Variants in CCDC32 observed in about 807,000 individuals in gnomAD.
CCDC32 encodes coiled-coil domain-containing protein 32.
Under a neutral mutation model 20.1 loss-of-function variants are expected in CCDC32, and 9 were observed. That is an observed-to-expected ratio of 0.45 (90% confidence interval 0.27 to 0.78). The LOEUF (loss-of-function observed/expected upper bound fraction) is 0.78, where lower values mean the gene tolerates loss of function less well. Among genes scored for constraint, CCDC32 ranks in the 30% least tolerant of loss-of-function variants. CCDC32 has a pLI of 0.16. For missense variants in CCDC32, 204 were observed against 215.5 expected (o/e 0.95, Z 0.33); for synonymous variants, 63 against 79.0 (o/e 0.80, Z 1.07).
intron 3 of CCDC32, 92 bp from the exon 4 acceptor site, chr15:40,554,219 G>T (rs1890083328): frequency 1.4e-6 from 2 of 1,480,514 alleles, no homozygotes; most frequent in African/African-American, 1.4e-5. Flanking sequence ...CTACCTTCCC[G>T]CCCACCAGCA....
At chr15:40,532,348 T>A (rs1356082912), downstream of CCDC32, 4 of 701,284 alleles carry the variant, frequency 5.7e-6, no homozygotes, top group Non-Finnish European at 1.0e-5. Context: ...TAAGGCTCCA[T>A]TTTGGATTGA....
downstream of CCDC32, among the ~76,000 whole-genome samples, chr15:40,548,249 C>CTAAG (rs1226620506): frequency 6.6e-6 from 1 of 152,164 alleles, no homozygotes; most frequent in Non-Finnish European, 1.5e-5. Flanking sequence ...ATTCTACATC[C>CTAAG]TAAGTGGAAA....
At chr15:40,556,458 G>A (rs1890242992) in intron 3 of CCDC32, among the ~76,000 whole-genome samples, 1 of 152,126 alleles carries the variant, frequency 6.6e-6, no homozygotes, top group African/African-American at 2.4e-5. Flanking sequence ...ATGACACCAA[G>A]CACAGTGCTA....
At chr15:40,554,902 A>G (rs527957097) in intron 3 of CCDC32, among the ~76,000 whole-genome samples, 3 of 152,362 alleles carry the variant, frequency 2.0e-5, no homozygotes, top group African/African-American at 7.2e-5. Flanking sequence ...TCTTAACCCA[A>G]GAAAGAATAC....
intron 2 of CCDC32, among the ~76,000 whole-genome samples, chr15:40,559,498 T>G (rs1357150219): frequency 6.6e-6 from 1 of 152,210 alleles, no homozygotes; most frequent in Non-Finnish European, 1.5e-5. Context: ...ATTAAACAGA[T>G]GCTTTGGCTA....
At chr15:40,544,318 A>G (rs934234294) in intron 3 of CCDC32, among the ~76,000 whole-genome samples, 8 of 152,100 alleles carry the variant, frequency 5.3e-5, no homozygotes, top group Admixed American at 3.9e-4. Flanking sequence ...GGCTCAAGCA[A>G]TCCTCCCACC....
rs35503180 is a variant in CCDC32 at position 40,563,826 on chromosome 15, C to CT, written c.-12-800dup. Among the ~76,000 whole-genome samples, 375 of 137,408 alleles carry CT rather than the reference C, an allele frequency of 2.7e-3. 8 individuals carry two copies. In the South Asian group the frequency reaches 0.031, roughly 11 times the overall value. The allele number at this position is 137,408 out of a possible 152,430, so 90.1% of individuals were successfully genotyped here. ...TCTGTTTTTTTTTCTTTCTTTCTTT[C>CT]TTTTTTTTTTTTGAGACAGAGTCTC... is the stretch of plus-strand genomic sequence containing the variant. On this transcript the variant is annotated intron_variant, in intron 1 of 3. Coordinates refer to ENST00000416810, the MANE Select transcript of CCDC32 (RefSeq NM_001080792.4).
rs928017704 is a variant in CCDC32, at chr15:40,543,494, G to A, written c.402-4139C>T. 3.9e-5 allele frequency among the ~76,000 whole-genome samples: 6 copies of A among 152,052 alleles called. No homozygotes were observed. The South Asian group carries it at 6.2e-4, about 16-fold the overall frequency. On this transcript the variant is annotated intron_variant, in intron 3 of 3. Transcript: ENST00000558113. ...TTTTGAGACAGAGTCCCACTCTGTC[G>A]CCCAGGCTGGAATGCAGTGGCATGA...
chr15:40,553,526 A>C lies in CCDC32; in HGVS notation c.*445T>G. 1 of 988,096 alleles carries C rather than the reference A, an allele frequency of 1.0e-6. No homozygotes were observed. The allele number at this position is 988,096 out of a possible 1,614,324, so 61.2% of individuals were successfully genotyped here. ...GCCCCACTCACGTGACAATTCACCAAGGGAATGCTTGGGACACAAGCATGA... is the reference window on the plus strand; with the variant it reads ...GCCCCACTCACGTGACAATTCACCACGGGAATGCTTGGGACACAAGCATGA... On this transcript the variant is annotated 3_prime_UTR_variant, in exon 4 of 4. Transcript: ENST00000416810.
intron 2 of CCDC32, chr15:40,557,659 C>T (rs549156211): frequency 1.1e-5 from 3 of 272,072 alleles, no homozygotes; most frequent in East Asian, 8.4e-5. Flanking sequence ...TTTGAAATCA[C>T]GTAAGCCCAG....
intron 3 of CCDC32, among the ~76,000 whole-genome samples, chr15:40,529,272 G>A (rs1888809168): frequency 6.6e-6 from 1 of 152,186 alleles, no homozygotes; most frequent in Admixed American, 6.5e-5. Context: ...ATACAGAAAA[G>A]GGCCTTGCAT....
intron 3 of CCDC32, among the ~76,000 whole-genome samples, chr15:40,546,994 C>T (rs974687223): frequency 7.2e-5 from 11 of 152,076 alleles, no homozygotes; most frequent in African/African-American, 2.4e-4. Flanking sequence ...TGAGCCATAG[C>T]GCCTGACCTA....
At chr15:40,528,396 T>A (rs1009453754), downstream of CCDC32, among the ~76,000 whole-genome samples, 2 of 152,108 alleles carry the variant, frequency 1.3e-5, no homozygotes, top group Non-Finnish European at 2.9e-5. Context: ...GGCAAGGCCA[T>A]CATTAACCCT....
At chr15:40,536,442 C>G (rs1405844558), downstream of CCDC32, 1 of 152,322 alleles carries the variant, frequency 6.6e-6, no homozygotes, top group Non-Finnish European at 1.5e-5. Context: ...GATGGCTGCC[C>G]AGGGCTGGGG....
At chr15:40,551,338 C>T (rs1263717760), downstream of CCDC32, among the ~76,000 whole-genome samples, 3 of 151,942 alleles carry the variant, frequency 2.0e-5, no homozygotes, top group Admixed American at 6.6e-5. Context: ...GCCAAGATGG[C>T]GCCACTGCAC....
At chr15:40,545,269 C>T (rs1267052409) in intron 3 of CCDC32, among the ~76,000 whole-genome samples, 4 of 152,140 alleles carry the variant, frequency 2.6e-5, no homozygotes, top group African/African-American at 9.7e-5. Context: ...CAAAACTGGT[C>T]CTGGAAATAT....
chr15:40,548,736 T>TGA (rs746375467), downstream of CCDC32, among the ~76,000 whole-genome samples: 20 of 150,376 alleles, frequency 1.3e-4, no homozygotes, highest in South Asian at 1.5e-3. Flanking sequence ...AGGAGCATGC[T>TGA]GAGAGAGAGA....
Position 40,564,962 on chromosome 15 carries a change from C to G in CCDC32, c.-13+14G>C, listed in dbSNP as rs925081583. On this transcript the variant is annotated intron_variant, in intron 1 of 3. Coordinates refer to ENST00000416810, the MANE Select transcript of CCDC32 (RefSeq NM_001080792.4). The stretch of plus-strand genomic sequence containing the variant: ...GATCCAAAACGCTGGGCACCCCAGC[C>G]CCTCCTCACTTACCGTAACAGCTGC... 1 of 657,364 alleles carries G rather than the reference C, an allele frequency of 1.5e-6. No individual in the cohort carries two copies. The highest frequency in any genetic ancestry group is 1.8e-5 in the African/African-American group (1 of 55,090). The allele number at this position is 657,364 out of a possible 1,614,324, so 40.7% of individuals were successfully genotyped here. A position where few individuals can be genotyped will look rare whatever the true frequency, so the allele number is the denominator to read the frequency against.
Position 40,554,138 on chromosome 15 carries a change from G to A in CCDC32, c.402-11C>T. 6.2e-7 allele frequency: 1 copy of A among 1,609,590 alleles called. No individual in the cohort carries two copies. Among genetic ancestry groups the A allele is most frequent in the Non-Finnish European group, 8.5e-7 (1 of 1,176,596 alleles). On this transcript the variant is annotated splice_polypyrimidine_tract_variant and intron_variant, in intron 3 of 3. Transcript: ENST00000416810. ...AAATGTTCCAAGGTGCTATGAAAGGGCAGAATAAAAGGGTGGCTGTGTCAG... is the reference window on the plus strand; with the variant it reads ...AAATGTTCCAAGGTGCTATGAAAGGACAGAATAAAAGGGTGGCTGTGTCAG...
Sources: allele counts gnomAD v4.1 joint callset (sites outside exome capture counted in the v4.1 genomes callset), GRCh38; gene constraint gnomAD v4.1.1; transcripts MANE v1.5; gene names NCBI Gene and HGNC (gene_info 2026-07-23, HGNC 2026-07-21).